The following ATXN1 variants were observed in gnomAD, a reference collection of about 807,000 sequenced individuals.
The protein encoded by ATXN1 is ataxin-1.
ATXN1 carries 8 observed loss-of-function variants against 56.4 expected under a neutral mutation model. The observed-to-expected ratio is 0.14, with a 90% CI of 0.08 to 0.26. The LOEUF is 0.26. Ranked by LOEUF, ATXN1 falls within the 10% of genes least tolerant of loss-of-function variation. The pLI, the probability that ATXN1 is intolerant of heterozygous loss-of-function variation, is 1.00. For missense variants in ATXN1, 987 were observed against 1,106.5 expected (o/e 0.89, Z 1.53); for synonymous variants, 514 against 494.6 (o/e 1.04, Z -0.52).
intron 5 of ATXN1, among the ~76,000 whole-genome samples, chr6:16,514,774 G>T (rs1268429532): frequency 6.6e-6 from 1 of 152,030 alleles, no homozygotes; most frequent in Non-Finnish European, 1.5e-5. Context: ...ACGAGGTCAA[G>T]AGATCGAGAC....
chr6:16,606,867 T>TTGTGTGTGTGTGTGTGTGTGTGTG (rs759331296), intron 3 of ATXN1, among the ~76,000 whole-genome samples: 12,022 of 126,566 alleles, frequency 0.095, 817 homozygotes, highest in South Asian at 0.12. Context: ...GTTCCATGAG[T>TTGTGTGTGTGTGTGTGTGTGTGTG]TGTGTGTGTG....
At chr6:16,530,086 T>G (rs1471921839) in intron 4 of ATXN1, among the ~76,000 whole-genome samples, 2 of 152,156 alleles carry the variant, frequency 1.3e-5, no homozygotes, top group African/African-American at 2.4e-5. Context: ...ACCATGAAAT[T>G]TGGTAGATAT....
chr6:16,692,586 T>C (rs1411001644), intron 2 of ATXN1, among the ~76,000 whole-genome samples: 2 of 152,148 alleles, frequency 1.3e-5, no homozygotes, highest in East Asian at 1.9e-4. Context: ...TTGGAAAACA[T>C]TTCATATAAT....
At chr6:16,524,147 C>T (rs1761346885) in intron 4 of ATXN1, among the ~76,000 whole-genome samples, 1 of 152,108 alleles carries the variant, frequency 6.6e-6, no homozygotes, top group African/African-American at 2.4e-5. Context: ...TTCAGGATGG[C>T]CCACCAGCCT....
At chr6:16,438,649 G>A (rs1036205308) in intron 6 of ATXN1, among the ~76,000 whole-genome samples, 2 of 152,044 alleles carry the variant, frequency 1.3e-5, no homozygotes, top group Admixed American at 1.3e-4. Flanking sequence ...TCAGATAACT[G>A]GTCCACTTAC....
chr6:16,335,405 C>T (rs932063879), intron 6 of ATXN1, among the ~76,000 whole-genome samples: 9 of 152,190 alleles, frequency 5.9e-5, no homozygotes, highest in South Asian at 4.1e-4. Context: ...CCAACGCGCT[C>T]GGGTTTCCCT....
intron 4 of ATXN1, among the ~76,000 whole-genome samples, chr6:16,539,234 G>A (rs1761665556): frequency 1.3e-5 from 2 of 151,944 alleles, no homozygotes; most frequent in Non-Finnish European, 2.9e-5. Flanking sequence ...GGGTTTTTTT[G>A]CATGCAGATT....
intron 1 of ATXN1, among the ~76,000 whole-genome samples, chr6:16,754,334 A>C (rs1045125501): frequency 6.6e-6 from 1 of 152,236 alleles, no homozygotes. Flanking sequence ...GGCTGATTTT[A>C]AACTTAGTTT....
intron 2 of ATXN1, among the ~76,000 whole-genome samples, chr6:16,710,770 T>C (rs894825878): frequency 6.6e-6 from 1 of 151,354 alleles, no homozygotes; most frequent in African/African-American, 2.4e-5. Context: ...GTATTTTTAG[T>C]AGAGATGGGG....
intron 6 of ATXN1, among the ~76,000 whole-genome samples, chr6:16,343,946 C>G (rs1367330918): frequency 6.6e-6 from 1 of 152,194 alleles, no homozygotes; most frequent in Non-Finnish European, 1.5e-5. Flanking sequence ...CACCAGCCAC[C>G]GCTCCTCCGC....
In ATXN1 at chr6:16,554,209, T is replaced by C. The variant is rs1400389640; in HGVS notation, c.-360-31521A>G. 5.3e-5 allele frequency among the ~76,000 whole-genome samples: 8 copies of C among 152,202 alleles called. No individual in the cohort carries two copies. The South Asian group carries it at 1.4e-3, about 28-fold the overall frequency. ...ACTCCACACAAGAATAATCTACTAA[T>C]GGTATAACAAGTGATTCATGGAAAA... is the stretch of plus-strand genomic sequence containing the variant. On this transcript the variant is annotated intron_variant, in intron 4 of 7. Transcript: ENST00000436367.
At chr6:16,568,663 G>GT (rs34833835) in intron 4 of ATXN1, among the ~76,000 whole-genome samples, 10 of 150,742 alleles carry the variant, frequency 6.6e-5, no homozygotes, top group Non-Finnish European at 7.4e-5. Flanking sequence ...AACAACCAAA[G>GT]TTTTTTTTTT....
chr6:16,758,580 G>A (rs904735799), intron 1 of ATXN1, among the ~76,000 whole-genome samples: 4 of 152,188 alleles, frequency 2.6e-5, no homozygotes, highest in Non-Finnish European at 5.9e-5. Context: ...GGAGTCTCTC[G>A]TCTGGCTTGG....
chr6:16,400,344 G>A (rs1457539266), intron 6 of ATXN1, among the ~76,000 whole-genome samples: 2 of 152,116 alleles, frequency 1.3e-5, no homozygotes, highest in African/African-American at 2.4e-5. Context: ...GGTGGAGAGA[G>A]CTCAACCTCC....
At chr6:16,687,794 GCCTTTATCATA>G (rs1758950639) in intron 2 of ATXN1, among the ~76,000 whole-genome samples, 1 of 151,856 alleles carries the variant, frequency 6.6e-6, no homozygotes, top group Non-Finnish European at 1.5e-5. Flanking sequence ...GTCTTTTTGT[GCCTTTATCATA>G]CCTAACTTTA....
chr6:16,462,845 G>A lies in ATXN1; in HGVS notation c.-161+23127C>T, dbSNP rs375614327. ...TAGTAACTTCCAAGGCACCCAAACC[G>A]CTCTATTCAGATGGCTTGTCCGCTT... On this transcript the variant is annotated intron_variant, in intron 6 of 7. Transcript: ENST00000436367. 8.6e-5 allele frequency among the ~76,000 whole-genome samples: 13 copies of A among 152,036 alleles called. No homozygotes were observed. The East Asian group carries it at 1.2e-3, about 14-fold the overall frequency.
At chr6:16,590,504 G>A (rs541839149) in intron 3 of ATXN1, among the ~76,000 whole-genome samples, 1 of 152,206 alleles carries the variant, frequency 6.6e-6, no homozygotes, top group African/African-American at 2.4e-5. Context: ...AAGTCCTACT[G>A]AAATATAAAG....
chr6:16,507,891 C>T (rs1267450250), intron 5 of ATXN1, among the ~76,000 whole-genome samples: 1 of 152,166 alleles, frequency 6.6e-6, no homozygotes, highest in Non-Finnish European at 1.5e-5. Context: ...TTAAAGATTA[C>T]TTTTAAAAGC....
intron 6 of ATXN1, among the ~76,000 whole-genome samples, chr6:16,439,195 A>G (rs2113593940): frequency 6.6e-6 from 1 of 152,114 alleles, no homozygotes; most frequent in Middle Eastern, 3.4e-3. Flanking sequence ...AAAGGACAAA[A>G]TAGAAAAAGC....
Sources: gnomAD v4.1 joint callset for allele counts (sites outside exome capture counted in the v4.1 genomes callset) on GRCh38, gnomAD v4.1.1 for gene constraint, MANE v1.5 for transcripts, NCBI Gene and HGNC (gene_info 2026-07-23, HGNC 2026-07-21) for gene names.